SGPL1: variants seen among roughly 807,000 people sequenced by gnomAD.
SGPL1 encodes the protein SP-lyase 1.
SGPL1 carries 37 observed loss-of-function variants against 68.9 expected under a neutral mutation model. The ratio of observed to expected loss-of-function variants is 0.54; its 90% CI spans 0.41 to 0.71. SGPL1 has a LOEUF of 0.71. Ranked by LOEUF, SGPL1 falls within the 30% of genes least tolerant of loss-of-function variation. The pLI is 0.00. For synonymous variants in SGPL1, 236 were observed against 248.5 expected (o/e 0.95, Z 0.47); for missense variants, 551 against 704.6 (o/e 0.78, Z 2.47).
chr10:70,841,772 C>T (rs549496153), intron 2 of SGPL1, among the ~76,000 whole-genome samples: 2 of 152,262 alleles, frequency 1.3e-5, no homozygotes, highest in South Asian at 4.2e-4. Context: ...CATGTTCCTA[C>T]TAGAACACTG....
chr10:70,867,705 C>T (rs892130137), intron 7 of SGPL1, among the ~76,000 whole-genome samples: 3 of 152,124 alleles, frequency 2.0e-5, no homozygotes, highest in East Asian at 1.9e-4. Flanking sequence ...AAGACCCCTA[C>T]GTCTTTTTGT....
chr10:70,862,805 A>G (rs766855393), intron 7 of SGPL1, among the ~76,000 whole-genome samples: 1 of 152,136 alleles, frequency 6.6e-6, no homozygotes, highest in African/African-American at 2.4e-5. Flanking sequence ...CAGAAGGAAC[A>G]AACTCCAGAC....
intron 2 of SGPL1, among the ~76,000 whole-genome samples, chr10:70,822,690 C>A (rs1040241953): frequency 6.6e-6 from 1 of 151,926 alleles, no homozygotes; most frequent in East Asian, 1.9e-4. Flanking sequence ...AATCCAACAG[C>A]GTACTAAGGG....
chr10:70,880,666 G>T lies in SGPL1; in HGVS notation c.*3331G>T, dbSNP rs1329401287. 4 of 152,184 alleles carry T rather than the reference G, an allele frequency of 2.6e-5. No homozygotes were observed. Among genetic ancestry groups the T allele is most frequent in the Non-Finnish European group, 4.4e-5 (3 of 68,034 alleles). 9.4% of individuals were successfully genotyped at this position (152,184 alleles called of 1,614,324 possible). On this transcript the variant is annotated 3_prime_UTR_variant, in exon 15 of 15. Transcript: ENST00000373202. Reference sequence around the variant, plus strand: ...GAAGTTTTTCCAAAGTGTTAGTCAGGATCTGAAGGCTGTCATTCAGATAAC... The same window carrying T: ...GAAGTTTTTCCAAAGTGTTAGTCAGTATCTGAAGGCTGTCATTCAGATAAC...
chr10:70,860,517 TA>T (rs1298724064), intron 7 of SGPL1: 1 of 448,328 alleles, frequency 2.2e-6, no homozygotes, highest in African/African-American at 2.1e-5. Context: ...CTGAAACTGT[TA>T]AAAACAGAAC....
At chr10:70,865,601 A>G (rs1173274542) in intron 7 of SGPL1, among the ~76,000 whole-genome samples, 1 of 152,222 alleles carries the variant, frequency 6.6e-6, no homozygotes, top group Middle Eastern at 3.2e-3. Flanking sequence ...GTGAAGAAAG[A>G]GTTCACTGTT....
At chr10:70,852,834 G>C (rs1318610730) in intron 4 of SGPL1, among the ~76,000 whole-genome samples, 1 of 152,162 alleles carries the variant, frequency 6.6e-6, no homozygotes, top group African/African-American at 2.4e-5. Flanking sequence ...GGGATATGGT[G>C]GTGAACAAGA....
intron 8 of SGPL1, among the ~76,000 whole-genome samples, chr10:70,868,964 T>C (rs1047973743): frequency 2.6e-5 from 4 of 152,238 alleles, no homozygotes. Flanking sequence ...TACATTATTT[T>C]TTCCTAGACT....
chr10:70,860,272 C>T (rs953760219), intron 7 of SGPL1: 18 of 418,380 alleles, frequency 4.3e-5, no homozygotes, highest in African/African-American at 3.6e-4. Context: ...GCAATGGTGT[C>T]CTAGAGGTGC....
intron 3 of SGPL1, 102 bp downstream of exon 3, chr10:70,844,740 TG>T: frequency 1.9e-6 from 2 of 1,058,934 alleles, no homozygotes; most frequent in Non-Finnish European, 2.7e-6. Context: ...GTTGTTTTTT[TG>T]TTTGTTTGTT....
At position 70,851,010 on chromosome 10, in the gene SGPL1, A is replaced by T. The variant is rs11594636; in HGVS notation, c.194-133A>T. 41,336 of 682,632 alleles carry T rather than the reference A, an allele frequency of 0.061. 1,562 individuals carry two copies. The highest frequency in any genetic ancestry group is 0.12 in the African/African-American group (6,749 of 54,996). 42.3% of individuals were successfully genotyped at this position (682,632 alleles called of 1,614,324 possible). On this transcript the variant is annotated intron_variant, in intron 3 of 14. Transcript: ENST00000373202. Reference sequence around the variant, plus strand: ...CAAACTTAAATTTAAAAGTTTTTTTAAAATTTTTTAAACGAAAGAAACTCT... The same window carrying T: ...CAAACTTAAATTTAAAAGTTTTTTTTAAATTTTTTAAACGAAAGAAACTCT...
At chr10:70,847,778 A>AT (rs562454291) in intron 3 of SGPL1, among the ~76,000 whole-genome samples, 10 of 152,038 alleles carry the variant, frequency 6.6e-5, no homozygotes, top group South Asian at 4.1e-4. Flanking sequence ...TAGAATATTC[A>AT]TTTTTTTTAG....
intron 3 of SGPL1, among the ~76,000 whole-genome samples, chr10:70,849,924 CT>C (rs2131894567): frequency 6.6e-6 from 1 of 152,290 alleles, no homozygotes; most frequent in East Asian, 1.9e-4. Context: ...TATCTGTGGC[CT>C]TGAGCAAGTT....
In SGPL1 at chr10:70,877,620, T is replaced by G. The variant is rs1463945964; in HGVS notation, c.*285T>G. Reference sequence around the variant, plus strand: ...CATTTCCTTTTCTAAACTCTCTAGCTTTCAACTTTACTTAAACATTGTGTG... The same window carrying G: ...CATTTCCTTTTCTAAACTCTCTAGCGTTCAACTTTACTTAAACATTGTGTG... On this transcript the variant is annotated 3_prime_UTR_variant, in exon 15 of 15. Transcript: ENST00000373202. 1 of 337,812 alleles carries G rather than the reference T, an allele frequency of 3.0e-6. No individual in the cohort carries two copies. Among genetic ancestry groups the G allele is most frequent in the Admixed American group, 3.9e-5 (1 of 25,450 alleles). 20.9% of individuals were successfully genotyped at this position (337,812 alleles called of 1,614,324 possible). A position where few individuals can be genotyped will look rare whatever the true frequency, so the allele number is the denominator to read the frequency against.
intron 3 of SGPL1, among the ~76,000 whole-genome samples, chr10:70,849,354 T>C (rs754750838): frequency 1.3e-5 from 2 of 152,238 alleles, no homozygotes; most frequent in Non-Finnish European, 2.9e-5. Context: ...AAAGAATTGT[T>C]AATAATGTAG....
chr10:70,864,184 C>T lies in SGPL1; in HGVS notation c.616-4161C>T, dbSNP rs889283054. Among the ~76,000 whole-genome samples, 4 of 152,062 alleles carry T rather than the reference C, an allele frequency of 2.6e-5. No homozygotes were observed. In the East Asian group the frequency reaches 5.8e-4, roughly 22 times the overall value. On this transcript the variant is annotated intron_variant, in intron 7 of 14. Coordinates refer to ENST00000373202, the MANE Select transcript of SGPL1 (RefSeq NM_003901.4). ...TTCCATAATTGTTTTTTCCATGTTA[C>T]AGACCTTCGTCTATTTGAAAGCCCC...
chr10:70,852,720 G>A (rs1166462863), intron 4 of SGPL1, among the ~76,000 whole-genome samples: 1 of 151,312 alleles, frequency 6.6e-6, no homozygotes, highest in Admixed American at 6.6e-5. Context: ...GTGTGTGTGT[G>A]TGTGTGTGCG....
intron 8 of SGPL1, 129 bp downstream of exon 8, chr10:70,868,562 CT>C (rs1038620843): frequency 2.8e-5 from 20 of 721,064 alleles, no homozygotes; most frequent in Non-Finnish European, 4.5e-5. Context: ...CCCTTTCCCC[CT>C]GTCCTAGCCC....
chr10:70,844,737 TTTTGTTTG>T (rs901093940), intron 3 of SGPL1, 99 bp downstream of exon 3: 1 of 1,193,436 alleles, frequency 8.4e-7, no homozygotes, highest in South Asian at 1.4e-5. Context: ...TTGGTTGTTT[TTTTGTTTG>T]TTTGTTTGTT....
Sources: gnomAD v4.1 joint callset for allele counts (sites outside exome capture counted in the v4.1 genomes callset) on GRCh38, gnomAD v4.1.1 for gene constraint, MANE v1.5 for transcripts, NCBI Gene and HGNC (gene_info 2026-07-23, HGNC 2026-07-21) for gene names.